The following ADAM23 variants were observed in gnomAD, a reference collection of about 807,000 sequenced individuals.
The protein encoded by ADAM23 is ADAM metallopeptidase domain 23.
A neutral mutation model predicts 120.1 loss-of-function variants in ADAM23; 33 were observed. The observed-to-expected ratio is 0.27, with a 90% confidence interval of 0.21 to 0.37. The LOEUF is 0.37. Among genes scored for constraint, ADAM23 ranks in the 10% least tolerant of loss-of-function variants. The pLI is 1.00. For synonymous variants in ADAM23, 367 were observed against 375.2 expected (o/e 0.98, Z 0.25); for missense variants, 862 against 1,058.2 (o/e 0.81, Z 2.57).
chr2:206,445,004 C>G (rs1445448205), intron 1 of ADAM23, among the ~76,000 whole-genome samples: 1 of 150,696 alleles, frequency 6.6e-6, no homozygotes. Context: ...TTCTACCCCC[C>G]CCCCAACACT....
At chr2:206,510,466 C>T (rs1004436377) in intron 3 of ADAM23, among the ~76,000 whole-genome samples, 10 of 151,636 alleles carry the variant, frequency 6.6e-5, no homozygotes, top group African/African-American at 2.4e-4. Context: ...TTTTACATTG[C>T]CAAGATTTAT....
intron 17 of ADAM23, among the ~76,000 whole-genome samples, chr2:206,572,731 A>C (rs1250473196): frequency 6.6e-6 from 1 of 152,198 alleles, no homozygotes; most frequent in East Asian, 1.9e-4. Flanking sequence ...TAGGTAATTC[A>C]GTGAAGGTTG....
intron 3 of ADAM23, among the ~76,000 whole-genome samples, chr2:206,519,339 T>C (rs1214149450): frequency 6.6e-6 from 1 of 152,236 alleles, no homozygotes; most frequent in East Asian, 1.9e-4. Flanking sequence ...TAGCTTGTTA[T>C]TATTTTAAAA....
At chr2:206,516,083 G>C (rs551588498) in intron 3 of ADAM23, among the ~76,000 whole-genome samples, 2 of 151,646 alleles carry the variant, frequency 1.3e-5, no homozygotes, top group African/African-American at 4.8e-5. Context: ...ATGGACATTC[G>C]TATATACCCA....
At chr2:206,581,380 A>T (rs981966512) in intron 18 of ADAM23, among the ~76,000 whole-genome samples, 1 of 152,120 alleles carries the variant, frequency 6.6e-6, no homozygotes. Context: ...CTTTCCTGTT[A>T]GCACCACCTT....
At chr2:206,449,782 C>T (rs904506186) in intron 2 of ADAM23, among the ~76,000 whole-genome samples, 4 of 151,980 alleles carry the variant, frequency 2.6e-5, no homozygotes, top group Non-Finnish European at 5.9e-5. Flanking sequence ...AAACAAAAAA[C>T]CCCCCTAAAA....
At chr2:206,456,888 C>G (rs1421968721) in intron 2 of ADAM23, among the ~76,000 whole-genome samples, 1 of 152,114 alleles carries the variant, frequency 6.6e-6, no homozygotes, top group Non-Finnish European at 1.5e-5. Context: ...TGTTTTAGAA[C>G]CTCCTTTCCC....
Position 206,617,600 on chromosome 2 carries a change from C to T in ADAM23, c.2472C>T (p.Phe824=), listed in dbSNP as rs767066735. The T allele has an allele frequency of 1.6e-5, 26 of 1,610,994 alleles. No homozygotes were observed. Among genetic ancestry groups the T allele is most frequent in the African/African-American group, 1.1e-4 (8 of 74,842 alleles). The change falls in exon 26 of 26, where the codon TTC becomes TTT. Residue 824 remains phenylalanine, a synonymous_variant. Coordinates refer to ENST00000264377, the MANE Select transcript of ADAM23 (RefSeq NM_003812.4). ...GAAGAAATGTCAAGAAGAGAAGGTT[C>T]GATCCTACTCAGCAAGGCCCCATCT... ...WGFKNVKKRR[F]DPTQQGPI
At chr2:206,457,893 A>AT (rs1695330792) in intron 2 of ADAM23, among the ~76,000 whole-genome samples, 1 of 152,102 alleles carries the variant, frequency 6.6e-6, no homozygotes, top group Non-Finnish European at 1.5e-5. Flanking sequence ...TATACCCTTT[A>AT]TTTTTTACTA....
rs990123517 is a variant in ADAM23 at position 206,619,454 on chromosome 2, C to T, written c.*1827C>T. On this transcript the variant is annotated 3_prime_UTR_variant, in exon 26 of 26. Transcript: ENST00000264377. ...GTATGTGATCACTTCAGTGAGCATC[C>T]CTCTATAGATGGGCTTTAGTAAAGA... 1.1e-4 allele frequency: 16 copies of T among 152,126 alleles called. No individual in the cohort carries two copies. The highest frequency in any genetic ancestry group is 2.0e-4 in the Admixed American group (3 of 15,284). The allele number at this position is 152,126 out of a possible 1,614,324, so 9.4% of individuals were successfully genotyped here.
At chr2:206,481,372 G>T (rs1285569795) in intron 3 of ADAM23, 64 bp downstream of exon 3, 9 of 1,231,106 alleles carry the variant, frequency 7.3e-6, no homozygotes, top group Non-Finnish European at 9.0e-6. Flanking sequence ...TTATAATATC[G>T]GTTTAGTCAA....
chr2:206,448,017 A>G (rs1695116839), intron 2 of ADAM23, among the ~76,000 whole-genome samples: 1 of 152,236 alleles, frequency 6.6e-6, no homozygotes, highest in Non-Finnish European at 1.5e-5. Context: ...GGTGAGTGTA[A>G]AAGCAGATTG....
chr2:206,477,889 A>ATATATAT (rs371133867), intron 2 of ADAM23, among the ~76,000 whole-genome samples: 281 of 54,388 alleles, frequency 5.2e-3, no homozygotes, highest in South Asian at 9.9e-3. Flanking sequence ...TTAAAAAAAA[A>ATATATAT]AAAAAAAAAT....
At chr2:206,465,997 A>T (rs1431814824) in intron 2 of ADAM23, among the ~76,000 whole-genome samples, 2 of 152,200 alleles carry the variant, frequency 1.3e-5, no homozygotes, top group African/African-American at 4.8e-5. Flanking sequence ...GATGGGAGAT[A>T]TAGTTAGTAA....
rs1574470138 is a variant in ADAM23 at position 206,443,817 on chromosome 2, G to C, written c.-50G>C. ...TCCGCCCGCGGCCGCCCCGCAGCTAGCCCGGCGCTCTCGCCGGCCACACGG... is the reference window on the plus strand; with the variant it reads ...TCCGCCCGCGGCCGCCCCGCAGCTACCCCGGCGCTCTCGCCGGCCACACGG... On this transcript the variant is annotated 5_prime_UTR_variant, in exon 1 of 26. Transcript: ENST00000264377. 9.7e-7 allele frequency: 1 copy of C among 1,026,038 alleles called. No homozygotes were observed. The highest frequency in any genetic ancestry group is 1.7e-5 in the African/African-American group (1 of 57,800). 63.6% of individuals were successfully genotyped at this position (1,026,038 alleles called of 1,614,324 possible). A position where few individuals can be genotyped will look rare whatever the true frequency, so the allele number is the denominator to read the frequency against.
rs1697781881 is a variant in ADAM23 at position 206,562,188 on chromosome 2, A to G, written c.1255-15A>G. The G allele has an allele frequency of 6.2e-7, 1 of 1,610,636 alleles. No homozygotes were observed. Among genetic ancestry groups the G allele is most frequent in the South Asian group, 1.1e-5 (1 of 90,962 alleles). ...TCTCAAATGTCTCCCACACACTTTC[A>G]ACTCTGAAAAACAGTATGGTCTTCC... On this transcript the variant is annotated splice_polypyrimidine_tract_variant and intron_variant, in intron 12 of 25. Coordinates refer to ENST00000264377, the MANE Select transcript of ADAM23 (RefSeq NM_003812.4).
At chr2:206,572,536 C>A (rs1378763451) in intron 17 of ADAM23, among the ~76,000 whole-genome samples, 1 of 151,998 alleles carries the variant, frequency 6.6e-6, no homozygotes, top group African/African-American at 2.4e-5. Flanking sequence ...GCTTCATGTC[C>A]CCAACCAGAT....
chr2:206,539,063 T>A (rs1207561549), intron 4 of ADAM23, among the ~76,000 whole-genome samples: 1 of 152,194 alleles, frequency 6.6e-6, no homozygotes, highest in African/African-American at 2.4e-5. Context: ...TGTCAGTATA[T>A]GAAGAGGAAG....
chr2:206,488,874 G>T (rs73054225), intron 3 of ADAM23, among the ~76,000 whole-genome samples: 6,566 of 152,178 alleles, frequency 0.043, 477 homozygotes, highest in African/African-American at 0.15. Flanking sequence ...AAGCCCAAAA[G>T]CACCAAACTC....
Sources: gnomAD v4.1 joint callset for allele counts (sites outside exome capture counted in the v4.1 genomes callset) on GRCh38, gnomAD v4.1.1 for gene constraint, MANE v1.5 for transcripts, NCBI Gene and HGNC (gene_info 2026-07-23, HGNC 2026-07-21) for gene names.